The following NRG1 variants were observed in gnomAD, a reference collection of about 807,000 sequenced individuals.
NRG1 encodes the protein pro-neuregulin-1, membrane-bound isoform.
A neutral mutation model predicts 63.8 loss-of-function variants in NRG1; 18 were observed. The ratio of observed to expected loss-of-function variants is 0.28; its 90% confidence interval spans 0.19 to 0.42. NRG1 has a LOEUF of 0.42. NRG1 is among the 10% of genes least tolerant of loss of function. The probability of loss-of-function intolerance (pLI) is 1.00; values close to 1 mark genes in which losing one functional copy is unlikely to be tolerated. For missense variants in NRG1, 762 were observed against 814.7 expected (o/e 0.94, Z 0.79); for synonymous variants, 302 against 301.3 (o/e 1.00, Z -0.02).
chr8:32,048,675 G>A (rs909263415), intron 1 of NRG1, among the ~76,000 whole-genome samples: 1 of 151,610 alleles, frequency 6.6e-6, no homozygotes, highest in African/African-American at 2.4e-5. Context: ...ATAGGTGTGA[G>A]GTGATATCGC....
chr8:32,257,978 T>C (rs1260352648), intron 1 of NRG1, among the ~76,000 whole-genome samples: 2 of 152,230 alleles, frequency 1.3e-5, no homozygotes, highest in Admixed American at 6.5e-5. Context: ...TTCAAAAGAC[T>C]GATTTAATAG....
At chr8:31,789,876 T>C (rs1423126874) in intron 1 of NRG1, among the ~76,000 whole-genome samples, 5 of 152,210 alleles carry the variant, frequency 3.3e-5, no homozygotes, top group South Asian at 2.1e-4. Context: ...AAACACTTGA[T>C]AACCAGATTC....
chr8:32,388,051 G>A (rs935347685), intron 1 of NRG1, among the ~76,000 whole-genome samples: 4 of 152,180 alleles, frequency 2.6e-5, no homozygotes, highest in Admixed American at 6.5e-5. Flanking sequence ...CAGGTTCAGC[G>A]TAGTCAATGA....
intron 1 of NRG1, among the ~76,000 whole-genome samples, chr8:32,402,435 C>T (rs1455440688): frequency 6.6e-6 from 1 of 151,826 alleles, no homozygotes; most frequent in African/African-American, 2.4e-5. Flanking sequence ...AAAAAAAAAA[C>T]AATTCATAAG....
chr8:32,322,355 TTATATATA>T lies in NRG1; in HGVS notation c.38-273458_38-273451del, dbSNP rs149742517. ...AACCTTATTTAAGTGCAACCTTATT[TTATATATA>T]TATATATATATATACCCATTAATTT... On this transcript the variant is annotated intron_variant, in intron 1 of 10. Transcript: ENST00000519301. Among the ~76,000 whole-genome samples the T allele has an allele frequency of 2.8e-5, 4 of 142,664 alleles. No homozygotes were observed. The South Asian group carries it at 9.0e-4, about 32-fold the overall frequency. 93.6% of individuals were successfully genotyped at this position (142,664 alleles called of 152,430 possible).
At chr8:32,292,481 C>T (rs1318055463) in intron 1 of NRG1, among the ~76,000 whole-genome samples, 2 of 152,184 alleles carry the variant, frequency 1.3e-5, no homozygotes, top group African/African-American at 4.8e-5. Context: ...TTGATTACTA[C>T]AGTTGAAGAG....
chr8:31,821,529 G>A (rs1051233504), intron 1 of NRG1, among the ~76,000 whole-genome samples: 2 of 152,154 alleles, frequency 1.3e-5, no homozygotes, highest in Admixed American at 1.3e-4. Flanking sequence ...AAAAGCATTT[G>A]TGAGGCTGAA....
intron 1 of NRG1, among the ~76,000 whole-genome samples, chr8:32,074,081 T>C (rs1826147423): frequency 6.6e-6 from 1 of 152,160 alleles, no homozygotes; most frequent in Non-Finnish European, 1.5e-5. Flanking sequence ...TCACAGTTAA[T>C]AATAATTTCA....
intron 1 of NRG1, among the ~76,000 whole-genome samples, chr8:32,106,744 T>C (rs376853119): frequency 6.6e-6 from 1 of 152,084 alleles, no homozygotes; most frequent in East Asian, 1.9e-4. Context: ...CATAATTTAC[T>C]CCCTTTTTAA....
rs997804465 is a variant in NRG1, at chr8:32,763,272, G to A, written c.1260-476G>A. ...ACAAGGCACACAGATCCAAATGCAT[G>A]CAGATCCAGCTATCAGCAACTCATC... On this transcript the variant is annotated intron_variant, in intron 11 of 11. Coordinates refer to ENST00000356819, the Ensembl canonical transcript of NRG1. The A allele has an allele frequency of 3.7e-6, 6 of 1,613,920 alleles. No homozygotes were observed. The East Asian group carries it at 1.3e-4, about 36-fold the overall frequency.
intron 1 of NRG1, among the ~76,000 whole-genome samples, chr8:31,753,995 C>T (rs1481987162): frequency 6.6e-6 from 1 of 152,096 alleles, no homozygotes; most frequent in Non-Finnish European, 1.5e-5. Context: ...TTTCTAACAA[C>T]TTAAAGATGT....
chr8:32,055,248 G>C (rs1202296418), intron 1 of NRG1, among the ~76,000 whole-genome samples: 2 of 152,022 alleles, frequency 1.3e-5, no homozygotes, highest in African/African-American at 4.8e-5. Context: ...ATATGTGATA[G>C]TTTTAGGTGA....
intron 1 of NRG1, among the ~76,000 whole-genome samples, chr8:32,038,400 GA>G (rs1233411814): frequency 6.6e-6 from 1 of 151,082 alleles, no homozygotes; most frequent in African/African-American, 2.4e-5. Context: ...GGAAGCTGCA[GA>G]CTGGAGCTGT....
intron 1 of NRG1, among the ~76,000 whole-genome samples, chr8:32,145,057 C>G (rs934662055): frequency 2.6e-5 from 4 of 152,148 alleles, no homozygotes; most frequent in Non-Finnish European, 5.9e-5. Context: ...ACAAGCTCTG[C>G]GAGATATCCT....
intron 5 of NRG1, among the ~76,000 whole-genome samples, chr8:32,634,872 A>G (rs10113308): frequency 0.15 from 22,142 of 152,206 alleles, 1,814 homozygotes; most frequent in Middle Eastern, 0.28. Context: ...GATGGTTTGA[A>G]TCTTTGCTTC....
At chr8:32,201,435 AC>A (rs2132298299) in intron 1 of NRG1, among the ~76,000 whole-genome samples, 1 of 152,322 alleles carries the variant, frequency 6.6e-6, no homozygotes, top group African/African-American at 2.4e-5. Context: ...TAAAGCAGTT[AC>A]CTTTTCTAAA....
At chr8:32,041,210 C>G (rs566811575) in intron 1 of NRG1, among the ~76,000 whole-genome samples, 2 of 152,264 alleles carry the variant, frequency 1.3e-5, no homozygotes, top group South Asian at 4.1e-4. Flanking sequence ...TTATTTGTCT[C>G]TCTTCAGTCT....
At chr8:32,592,092 A>AC (rs923923638) in intron 1 of NRG1, among the ~76,000 whole-genome samples, 3 of 147,286 alleles carry the variant, frequency 2.0e-5, no homozygotes, top group African/African-American at 7.7e-5. Flanking sequence ...TCAGAGACAG[A>AC]CCAAGGCTCC....
intron 1 of NRG1, among the ~76,000 whole-genome samples, chr8:32,487,462 C>T (rs2129494202): frequency 6.6e-6 from 1 of 152,058 alleles, no homozygotes; most frequent in East Asian, 1.9e-4. Context: ...GGCTTGGTGA[C>T]TCCTGGTCTC....
Sources: allele counts gnomAD v4.1 joint callset (sites outside exome capture counted in the v4.1 genomes callset), GRCh38; gene constraint gnomAD v4.1.1; transcripts MANE v1.5; gene names NCBI Gene and HGNC (gene_info 2026-07-23, HGNC 2026-07-21).